The following LAMA5 variants were observed in gnomAD, a reference collection of about 807,000 sequenced individuals.
LAMA5 encodes the protein laminin subunit alpha-5.
Under a neutral mutation model 433.4 loss-of-function variants are expected in LAMA5, and 260 were observed. The ratio of observed to expected loss-of-function variants is 0.60; its 90% CI spans 0.54 to 0.66. The LOEUF (loss-of-function observed/expected upper bound fraction) is 0.66. Ranked by LOEUF, LAMA5 falls within the 30% of genes least tolerant of loss-of-function variation. The probability of loss-of-function intolerance (pLI) is 0.00; values close to 1 mark genes in which losing one functional copy is unlikely to be tolerated. For missense variants in LAMA5, 5,378 were observed against 5,258.5 expected, an observed-to-expected ratio of 1.02 and a Z score of -0.70; for synonymous variants, 2,620 against 2,226.6, an observed-to-expected ratio of 1.18 and a Z score of -4.97.
At chr20:62,323,322 G>C (rs1978658154) in intron 45 of LAMA5, 134 bp downstream of exon 45, 1 of 762,612 alleles carries the variant, frequency 1.3e-6, no homozygotes, top group Non-Finnish European at 2.1e-6. Context: ...CATGAACCCA[G>C]AAGGCTGGCT....
chr20:62,317,117 G>A (rs909302089), intron 55 of LAMA5, 94 bp from the exon 56 acceptor site: 7 of 1,377,490 alleles, frequency 5.1e-6, no homozygotes, highest in East Asian at 2.5e-5. Flanking sequence ...CCGTGCCCGT[G>A]CCTGCCCGCC....
At position 62,335,061 on chromosome 20, in the gene LAMA5, G is replaced by C; in HGVS notation, c.2442C>G (p.Gly814=). The part of the protein sequence containing the change: ...CGQACASCKD[G]FFGLDQADYF... Reference sequence around the variant, plus strand: ...AGTCAGCCTGATCCAGTCCAAAGAAGCCATCCTTGCAGGACGCGCAGGCCT... The same window carrying C: ...AGTCAGCCTGATCCAGTCCAAAGAACCCATCCTTGCAGGACGCGCAGGCCT... The change falls in exon 20 of 80, where the codon GGC becomes GGG. Residue 814 remains glycine (G), a synonymous_variant. Coordinates refer to ENST00000252999, the MANE Select transcript of LAMA5 (RefSeq NM_005560.6). 1.9e-6 allele frequency: 3 copies of C among 1,613,034 alleles called. No individual in the cohort carries two copies. The highest frequency in any genetic ancestry group is 2.5e-6 in the Non-Finnish European group (3 of 1,179,708).
chr20:62,313,400 C>T lies in LAMA5; in HGVS notation c.8719G>A (p.Glu2907Lys), dbSNP rs144495427. The change falls in exon 64 of 80, where the codon GAG becomes AAG. Residue 2907 changes from glutamate to lysine, a missense_variant. Coordinates refer to ENST00000252999, the MANE Select transcript of LAMA5 (RefSeq NM_005560.6). ...AAGTTGTAGAGGCTGACCACCTCCTCATTCAGCGTGTCCATCTCGATGCAG... is the reference window on the plus strand; with the variant it reads ...AAGTTGTAGAGGCTGACCACCTCCTTATTCAGCGTGTCCATCTCGATGCAG... ...RGCIEMDTLN[E>K]EVVSLYNFER... is the part of the protein sequence containing the mutation. 3.7e-5 allele frequency: 59 copies of T among 1,608,524 alleles called. No homozygotes were observed. The highest frequency in any genetic ancestry group is 4.7e-5 in the Non-Finnish European group (55 of 1,178,356).
chr20:62,344,225 G>T (rs1424392953), intron 11 of LAMA5, among the ~76,000 whole-genome samples: 1 of 149,590 alleles, frequency 6.7e-6, no homozygotes, highest in Non-Finnish European at 1.5e-5. Flanking sequence ...TGCCATGCTT[G>T]TATGTCCCGT....
intron 34 of LAMA5, 87 bp downstream of exon 34, chr20:62,328,757 C>T (rs984252911): frequency 5.2e-6 from 7 of 1,335,278 alleles, no homozygotes; most frequent in Non-Finnish European, 5.2e-6. Flanking sequence ...AGAACATTCT[C>T]CTGACCCTGC....
At chr20:62,340,313 T>TTG (rs1490326735) in intron 11 of LAMA5, among the ~76,000 whole-genome samples, 34 of 142,270 alleles carry the variant, frequency 2.4e-4, no homozygotes, top group East Asian at 1.5e-3. Flanking sequence ...TTGTTTTTTT[T>TTG]TTTTTTTTTT....
At chr20:62,345,634 G>A (rs1983242819) in intron 11 of LAMA5, 184 bp downstream of exon 11, 1 of 649,700 alleles carries the variant, frequency 1.5e-6, no homozygotes, top group East Asian at 2.7e-5. Context: ...TTTTTTCTTT[G>A]GCTTTATGCT....
At chr20:62,350,448 T>G (rs940059852) in intron 6 of LAMA5, among the ~76,000 whole-genome samples, 4 of 152,046 alleles carry the variant, frequency 2.6e-5, no homozygotes, top group Admixed American at 6.6e-5. Flanking sequence ...GGCCCAGGGC[T>G]CCCGCCTCTG....
Position 62,311,755 on chromosome 20 carries a change from T to C in LAMA5, c.9665A>G (p.Gln3222Arg), listed in dbSNP as rs1337390909. 6.4e-7 allele frequency: 1 copy of C among 1,561,530 alleles called. No homozygotes were observed. The highest frequency in any genetic ancestry group is 1.9e-5 in the Admixed American group (1 of 51,532). The change falls in exon 71 of 80, where the codon CAG (glutamine) becomes CGG (arginine). Residue 3222 changes from glutamine to arginine, a missense_variant. By Grantham distance (43) the Gln-to-Arg change is conservative. Coordinates refer to ENST00000252999, the MANE Select transcript of LAMA5 (RefSeq NM_005560.6). ...GVWLYVDDQL[Q>R]QMKPHRGPPP... Reference sequence around the variant, plus strand: ...TGGTCCCCGGTGGGGCTTCATCTGCTGGAGCTGGTCATCGACATACAGCCA... The same window carrying C: ...TGGTCCCCGGTGGGGCTTCATCTGCCGGAGCTGGTCATCGACATACAGCCA...
intron 41 of LAMA5, 179 bp downstream of exon 41, chr20:62,325,136 GC>G: frequency 1.7e-6 from 1 of 572,298 alleles, no homozygotes; most frequent in Non-Finnish European, 3.1e-6. Flanking sequence ...AGGCAGACAG[GC>G]AGCAGGGGAC....
Position 62,314,786 on chromosome 20 carries a change from G to A in LAMA5, c.8196+13C>T. 2.5e-6 allele frequency: 4 copies of A among 1,612,858 alleles called. No homozygotes were observed. The highest frequency in any genetic ancestry group is 2.7e-5 in the African/African-American group (2 of 75,040). On this transcript the variant is annotated intron_variant, in intron 60 of 79. Transcript: ENST00000252999. Reference sequence around the variant, plus strand: ...CTCCCTGATGTCCACCTTCCCCTGGGACTCTCACCCACCTTACTGGCAGCC... The same window carrying A: ...CTCCCTGATGTCCACCTTCCCCTGGAACTCTCACCCACCTTACTGGCAGCC...
chr20:62,318,563 T>A lies in LAMA5; in HGVS notation c.7130A>T (p.His2377Leu), dbSNP rs1251290700. 6.2e-7 allele frequency: 1 copy of A among 1,610,240 alleles called. No homozygotes were observed. The highest frequency in any genetic ancestry group is 8.5e-7 in the Non-Finnish European group (1 of 1,179,032). ...ATQTRDRLAQ[H>L]EAGLMDLREA... is the part of the protein sequence containing the mutation. Reference sequence around the variant, plus strand: ...TCGCAGGTCCATGAGGCCGGCCTCGTGCTGGGCCAGCCGGTCGCGGGTTTG... The same window carrying A: ...TCGCAGGTCCATGAGGCCGGCCTCGAGCTGGGCCAGCCGGTCGCGGGTTTG... The change falls in exon 53 of 80, where the codon CAC (histidine) becomes CTC (leucine). Residue 2377 changes from histidine to leucine, a missense_variant. By Grantham distance (99) the His-to-Leu change is moderately conservative. Transcript: ENST00000252999.
In LAMA5 at chr20:62,367,284, A is replaced by G. The variant is rs573374412; in HGVS notation, c.-39T>C. 3 of 1,138,966 alleles carry G rather than the reference A, an allele frequency of 2.6e-6. No homozygotes were observed. Among genetic ancestry groups the G allele is most frequent in the East Asian group, 4.5e-5 (1 of 22,002 alleles). The allele number at this position is 1,138,966 out of a possible 1,614,324, so 70.6% of individuals were successfully genotyped here. A position where few individuals can be genotyped will look rare whatever the true frequency, so the allele number is the denominator to read the frequency against. On this transcript the variant is annotated 5_prime_UTR_variant, in exon 1 of 80. Coordinates refer to ENST00000252999, the MANE Select transcript of LAMA5 (RefSeq NM_005560.6). The stretch of plus-strand genomic sequence containing the variant: ...GGCCGCGTCCCCGAGCTCCAGGGAC[A>G]GCGCGCGCGGCGGGAGCCCGGCGGG...
In LAMA5 at chr20:62,335,277, G is replaced by C. The variant is rs1981360469; in HGVS notation, c.2324-8C>G. 6.2e-7 allele frequency: 1 copy of C among 1,611,904 alleles called. No individual in the cohort carries two copies. The highest frequency in any genetic ancestry group is 8.5e-7 in the Non-Finnish European group (1 of 1,179,420). On this transcript the variant is annotated splice_polypyrimidine_tract_variant and splice_region_variant and intron_variant, in intron 18 of 79. Transcript: ENST00000252999. ...TGAGGTCGCAGCTGCAGCCTGGGGA[G>C]AGCAGGGCAGGACTCAGATGCTTGG...
Position 62,312,370 on chromosome 20 carries a change from G to A in LAMA5, c.9360+30C>T, listed in dbSNP as rs1467376686. The A allele has an allele frequency of 4.4e-6, 7 of 1,600,044 alleles. No individual in the cohort carries two copies. The Admixed American group carries it at 1.2e-4, about 27-fold the overall frequency. ...CGGGTGCCCCTGCATGTCCACAGAT[G>A]CCACCCCCAGCCCGGGGAGGGCTGC... On this transcript the variant is annotated intron_variant, in intron 68 of 79. Coordinates refer to ENST00000252999, the MANE Select transcript of LAMA5 (RefSeq NM_005560.6).
Position 62,309,411 on chromosome 20 carries a change from G to C in LAMA5, c.11013C>G (p.Asn3671Lys), listed in dbSNP as rs1445683835. Residue 3671 changes from asparagine to lysine, a missense_variant, in exon 80 of 80, where the codon AAC (asparagine) becomes AAG (lysine). Asn to Lys is a moderately conservative substitution (Grantham distance 94, BLOSUM62 0). Coordinates refer to ENST00000252999, the MANE Select transcript of LAMA5 (RefSeq NM_005560.6). ...YCGCMRRLAV[N>K]RSPVAMTRSV... ...AGCGAGTCATGGCGACGGGGGACCG[G>C]TTCACCGCCAGCCTCCTCATGCAGC... 1.3e-6 allele frequency: 2 copies of C among 1,585,426 alleles called. No homozygotes were observed. Among genetic ancestry groups the C allele is most frequent in the Admixed American group, 1.7e-5 (1 of 57,846 alleles).
rs773813933 is a variant in LAMA5 at position 62,351,982 on chromosome 20, C to T, written c.785G>A (p.Arg262His). 34 of 1,612,482 alleles carry T rather than the reference C, an allele frequency of 2.1e-5. No individual in the cohort carries two copies. The highest frequency in any genetic ancestry group is 1.2e-4 in the South Asian group (11 of 91,074). ...CAGCAGCGTGTTGGTACGCAGGAAGCGCAGGCGGACGTTGGTGGCCTTGGT... is the reference window on the plus strand; with the variant it reads ...CAGCAGCGTGTTGGTACGCAGGAAGTGCAGGCGGACGTTGGTGGCCTTGGT... ...EFTKATNVRL[R>H]FLRTNTLLGH... The change falls in exon 5 of 80, where the codon CGC (arginine) becomes CAC (histidine). Residue 262 changes from arginine to histidine, a missense_variant. By Grantham distance (29) the Arg-to-His change is conservative. Transcript: ENST00000252999.
Position 62,333,599 on chromosome 20 carries a change from A to G in LAMA5, c.2986T>C (p.Trp996Arg), listed in dbSNP as rs1186787793. Reference protein sequence around the residue: ...GEPFVLNPGTWALRVEAEGVL... With the variant: ...GEPFVLNPGTRALRVEAEGVL... ...CCTTCGGCCTCCACACGCAGGGCCC[A>G]GGTGCCAGGGTTCAGCACAAAGGGC... The change falls in exon 24 of 80, where the codon TGG (tryptophan) becomes CGG (arginine). Residue 996 changes from tryptophan to arginine, a missense_variant. Transcript: ENST00000252999. The G allele has an allele frequency of 1.3e-6, 2 of 1,573,122 alleles. No individual in the cohort carries two copies. Among genetic ancestry groups the G allele is most frequent in the East Asian group, 4.6e-5 (2 of 43,102 alleles).
intron 6 of LAMA5, among the ~76,000 whole-genome samples, chr20:62,350,740 C>G (rs567099107): frequency 4.5e-4 from 69 of 152,274 alleles, no homozygotes; most frequent in African/African-American, 1.6e-3. Context: ...GCACTGCCAC[C>G]CTAGGGTGTT....
Sources: allele counts gnomAD v4.1 joint callset (sites outside exome capture counted in the v4.1 genomes callset), GRCh38; gene constraint gnomAD v4.1.1; transcripts MANE v1.5; gene names NCBI Gene and HGNC (gene_info 2026-07-23, HGNC 2026-07-21).